Variants in GPATCH1 observed in about 807,000 individuals in gnomAD.
GPATCH1 encodes G-patch domain containing 1.
Under a neutral mutation model 114.9 loss-of-function variants are expected in GPATCH1, and 73 were observed. That is an observed-to-expected ratio of 0.64 (90% CI 0.53 to 0.77). The LOEUF (loss-of-function observed/expected upper bound fraction) is 0.77. Among genes scored for constraint, GPATCH1 ranks in the 30% least tolerant of loss-of-function variants. The pLI, the probability that GPATCH1 is intolerant of heterozygous loss-of-function variation, is 0.00. For missense variants in GPATCH1, 1,058 were observed against 1,144.3 expected (o/e 0.92, Z 1.09); for synonymous variants, 391 against 428.4 (o/e 0.91, Z 1.08).
chr19:33,125,360 G>A (rs1276544002), intron 18 of GPATCH1, among the ~76,000 whole-genome samples, 158 bp downstream of exon 18: 1 of 151,646 alleles, frequency 6.6e-6, no homozygotes, highest in Non-Finnish European at 1.5e-5. Flanking sequence ...TCAAATGCTT[G>A]ATTTTTCAGA....
At position 33,081,235 on chromosome 19, in the gene GPATCH1, C is replaced by T. The variant is rs1048086415; in HGVS notation, c.42C>T (p.Ser14=). The T allele has an allele frequency of 1.9e-5, 29 of 1,551,666 alleles. No homozygotes were observed. Among genetic ancestry groups the T allele is most frequent in the Non-Finnish European group, 2.4e-5 (28 of 1,147,070 alleles). Residue 14 remains serine (S), a synonymous_variant, in exon 1 of 20, where the codon AGC becomes AGT. Transcript: ENST00000170564. ...RDSDSEEDLV[S]YGTGLEPLEE... ...GTGACAGCGAAGAAGATCTGGTCAG[C>T]TATGGGACCGGGCTGGAGCCTCTGG...
chr19:33,119,476 G>A (rs183097114), intron 17 of GPATCH1, among the ~76,000 whole-genome samples: 2 of 152,178 alleles, frequency 1.3e-5, no homozygotes, highest in East Asian at 3.9e-4. Flanking sequence ...GAGGTGGGCG[G>A]ATCACGAGGT....
At chr19:33,092,622 G>C (rs561662583) in intron 3 of GPATCH1, among the ~76,000 whole-genome samples, 2 of 152,186 alleles carry the variant, frequency 1.3e-5, no homozygotes, top group African/African-American at 4.8e-5. Context: ...AAGAGGAAAC[G>C]TGCCAATGGT....
chr19:33,127,956 G>C (rs1973061884), intron 19 of GPATCH1, among the ~76,000 whole-genome samples: 1 of 152,132 alleles, frequency 6.6e-6, no homozygotes. Context: ...GACCTCAGGT[G>C]ATACACCCAC....
Position 33,111,838 on chromosome 19 carries a change from C to T in GPATCH1, c.1700C>T (p.Ser567Phe), listed in dbSNP as rs1331726750. 7 of 1,614,142 alleles carry T rather than the reference C, an allele frequency of 4.3e-6. No homozygotes were observed. The South Asian group carries it at 7.7e-5, about 18-fold the overall frequency. ...GCATCTTCCCATTCGACCTTGTCCT[C>T]CAGGTTCACTCACGCCAAGGAGGAG... Reference protein sequence around the residue: ...LYASSHSTLSSRFTHAKEEDD... With the variant: ...LYASSHSTLSFRFTHAKEEDD... The change falls in exon 12 of 20, where the codon TCC becomes TTC. Residue 567 changes from serine to phenylalanine, a missense_variant. Coordinates refer to ENST00000170564, the MANE Select transcript of GPATCH1 (RefSeq NM_018025.3).
chr19:33,101,981 A>G (rs999362186), intron 9 of GPATCH1, among the ~76,000 whole-genome samples: 2 of 149,550 alleles, frequency 1.3e-5, no homozygotes, highest in African/African-American at 4.9e-5. Context: ...GTGAGCCAAG[A>G]TCACACCACT....
chr19:33,128,805 C>G (rs1359472963), intron 19 of GPATCH1, among the ~76,000 whole-genome samples: 1 of 152,170 alleles, frequency 6.6e-6, no homozygotes, highest in Non-Finnish European at 1.5e-5. Context: ...GTGGAAGATT[C>G]CTTCTTGTGA....
intron 7 of GPATCH1, among the ~76,000 whole-genome samples, chr19:33,096,948 C>CTTTTT (rs201015806): frequency 7.2e-6 from 1 of 138,792 alleles, no homozygotes; most frequent in Non-Finnish European, 1.5e-5. Context: ...TTCTTTCTTT[C>CTTTTT]TTTCTTTTTT....
At chr19:33,099,443 G>A (rs74399246) in intron 8 of GPATCH1, among the ~76,000 whole-genome samples, 1 of 151,646 alleles carries the variant, frequency 6.6e-6, no homozygotes, top group African/African-American at 2.4e-5. Context: ...ACTGAGCTCC[G>A]AGCCTGTCCT....
intron 15 of GPATCH1, among the ~76,000 whole-genome samples, chr19:33,117,103 G>A (rs1351407611): frequency 1.3e-5 from 2 of 152,094 alleles, no homozygotes; most frequent in Admixed American, 1.3e-4. Context: ...GGCTACGGTT[G>A]GAGGATCACT....
intron 8 of GPATCH1, 21 bp from the exon 9 acceptor site, chr19:33,101,474 A>G (rs752753841): frequency 7.3e-6 from 10 of 1,370,476 alleles, no homozygotes; most frequent in Non-Finnish European, 1.0e-5. Context: ...TCTGGAATTA[A>G]TCTATGACAT....
At chr19:33,108,802 C>T (rs3760891) in intron 10 of GPATCH1, among the ~76,000 whole-genome samples, 63,035 of 152,018 alleles carry the variant, frequency 0.41, 16,531 homozygotes, top group African/African-American at 0.73. Flanking sequence ...GAGCTGTACT[C>T]GGAACCAGGG....
chr19:33,116,960 T>G (rs1435658434), intron 15 of GPATCH1, among the ~76,000 whole-genome samples: 1 of 152,052 alleles, frequency 6.6e-6, no homozygotes, highest in Admixed American at 6.6e-5. Flanking sequence ...TTTGGGAGGC[T>G]GAGGCAGGGG....
chr19:33,085,448 G>A lies in GPATCH1; in HGVS notation c.74-2686G>A, dbSNP rs189794581. 1.2e-4 allele frequency among the ~76,000 whole-genome samples: 18 copies of A among 152,082 alleles called. 1 individual carries two copies. The highest frequency in any genetic ancestry group is 6.6e-5 in the Admixed American group (1 of 15,262). On this transcript the variant is annotated intron_variant, in intron 1 of 19. Transcript: ENST00000170564. Reference sequence around the variant, plus strand: ...CTCAAACCACTGCTTCTAATGACTCGAACCACTCCTACCTGGGCCTCTCAA... The same window carrying A: ...CTCAAACCACTGCTTCTAATGACTCAAACCACTCCTACCTGGGCCTCTCAA...
chr19:33,086,591 G>A (rs1009475072), intron 1 of GPATCH1, among the ~76,000 whole-genome samples: 6 of 151,918 alleles, frequency 3.9e-5, no homozygotes, highest in South Asian at 2.1e-4. Flanking sequence ...TCAGCCTCCC[G>A]AGTAGTTCTG....
chr19:33,111,603 T>C, intron 11 of GPATCH1, 121 bp from the exon 12 acceptor site: 1 of 885,590 alleles, frequency 1.1e-6, no homozygotes, highest in South Asian at 1.7e-5. Context: ...CCCATAGTCA[T>C]AAAAACAAGG....
chr19:33,082,957 G>T (rs556560929), intron 1 of GPATCH1, among the ~76,000 whole-genome samples: 1 of 152,138 alleles, frequency 6.6e-6, no homozygotes. Context: ...ATAGAGATGA[G>T]GCCGGGCGTG....
chr19:33,126,543 G>C, intron 18 of GPATCH1, 45 bp from the exon 19 acceptor site: 2 of 1,605,802 alleles, frequency 1.2e-6, no homozygotes, highest in Middle Eastern at 1.7e-4. Flanking sequence ...AATTAAGGAG[G>C]AAAAAATACA....
chr19:33,108,108 G>T (rs1313228711), intron 10 of GPATCH1, among the ~76,000 whole-genome samples: 1 of 151,998 alleles, frequency 6.6e-6, no homozygotes, highest in Non-Finnish European at 1.5e-5. Context: ...ACACGTGTGG[G>T]GGTTCTGTCC....
Sources: gnomAD v4.1 joint callset for allele counts (sites outside exome capture counted in the v4.1 genomes callset) on GRCh38, gnomAD v4.1.1 for gene constraint, MANE v1.5 for transcripts, NCBI Gene and HGNC (gene_info 2026-07-23, HGNC 2026-07-21) for gene names.